The following AKAP7 variants were observed in gnomAD, a reference collection of about 807,000 sequenced individuals.
AKAP7 encodes the protein A kinase (PRKA) anchor protein 7.
A neutral mutation model predicts 39.5 loss-of-function variants in AKAP7; 39 were observed. The observed-to-expected ratio is 0.99, with a 90% CI of 0.76 to 1.29. The LOEUF is 1.29. AKAP7 is among the 50% of genes most tolerant of loss of function. The probability of loss-of-function intolerance (pLI) is 0.00; values close to 1 mark genes in which losing one functional copy is unlikely to be tolerated. For missense variants in AKAP7, 414 were observed against 407.7 expected (o/e 1.02, Z -0.13); for synonymous variants, 140 against 139.1 (o/e 1.01, Z -0.05).
At chr6:131,161,447 C>G (rs773165380) in intron 3 of AKAP7, among the ~76,000 whole-genome samples, 1 of 151,452 alleles carries the variant, frequency 6.6e-6, no homozygotes, top group Non-Finnish European at 1.5e-5. Flanking sequence ...GAGTTTGAGA[C>G]CAGCCTGGGC....
At position 131,224,963 on chromosome 6, in the gene AKAP7, G is replaced by A. The variant is rs958063032; in HGVS notation, c.850+5155G>A. 8.6e-5 allele frequency among the ~76,000 whole-genome samples: 13 copies of A among 151,440 alleles called. 1 individual carries two copies. The highest frequency in any genetic ancestry group is 2.9e-5 in the Non-Finnish European group (2 of 67,910). On this transcript the variant is annotated intron_variant, in intron 7 of 7. Transcript: ENST00000431975. ...GTAGAGACAGGGTTTTGCCATGTTGGCCAGGCTGGTATCGAACTCCTGACC... is the reference window on the plus strand; with the variant it reads ...GTAGAGACAGGGTTTTGCCATGTTGACCAGGCTGGTATCGAACTCCTGACC...
rs371170246 is a variant in AKAP7, at chr6:131,191,466, C to CT, written c.590-7986dup. The stretch of plus-strand genomic sequence containing the variant: ...ACATGCTTATGCTGGACTTGTCTTT[C>CT]TTTTTTTTTGGCTACCCAGCATCTA... On this transcript the variant is annotated intron_variant, in intron 5 of 7. Coordinates refer to ENST00000431975, the MANE Select transcript of AKAP7 (RefSeq NM_016377.4). 3.5e-3 allele frequency among the ~76,000 whole-genome samples: 532 copies of CT among 151,380 alleles called. 3 individuals are homozygous for CT. Among genetic ancestry groups the CT allele is most frequent in the African/African-American group, 0.012 (508 of 41,318 alleles).
intron 6 of AKAP7, among the ~76,000 whole-genome samples, chr6:131,217,288 C>T (rs1809274703): frequency 6.6e-6 from 1 of 152,110 alleles, no homozygotes; most frequent in African/African-American, 2.4e-5. Context: ...CCATTTATTT[C>T]CTCAGAATCA....
At chr6:131,238,864 T>C (rs1312279476) in intron 7 of AKAP7, among the ~76,000 whole-genome samples, 1 of 152,260 alleles carries the variant, frequency 6.6e-6, no homozygotes, top group Non-Finnish European at 1.5e-5. Flanking sequence ...TTTATCCAAT[T>C]TGCCAGTCCG....
intron 7 of AKAP7, among the ~76,000 whole-genome samples, chr6:131,230,882 A>C (rs1810570478): frequency 6.6e-6 from 1 of 152,172 alleles, no homozygotes; most frequent in Admixed American, 6.5e-5. Context: ...AAGAATATCC[A>C]CAATTATCTT....
At chr6:131,133,625 A>G (rs896522710), upstream of AKAP7, among the ~76,000 whole-genome samples, 2 of 152,364 alleles carry the variant, frequency 1.3e-5, no homozygotes, top group African/African-American at 4.8e-5. Context: ...AAACTTCCAT[A>G]TATCTCTTGG....
chr6:131,251,304 A>G (rs1314015597), intron 7 of AKAP7, among the ~76,000 whole-genome samples: 5 of 152,228 alleles, frequency 3.3e-5, no homozygotes, highest in Non-Finnish European at 7.3e-5. Flanking sequence ...TAGCTTTGTT[A>G]AATGGAATAC....
At chr6:131,208,843 T>G (rs1808372215) in intron 6 of AKAP7, among the ~76,000 whole-genome samples, 1 of 152,222 alleles carries the variant, frequency 6.6e-6, no homozygotes, top group African/African-American at 2.4e-5. Context: ...AGGACTTTTC[T>G]GCTCTTCTGG....
At chr6:131,257,060 C>CT (rs1270843968) in intron 7 of AKAP7, among the ~76,000 whole-genome samples, 1 of 152,072 alleles carries the variant, frequency 6.6e-6, no homozygotes, top group Non-Finnish European at 1.5e-5. Flanking sequence ...TTTAACTTCT[C>CT]TAAGATTTTT....
chr6:131,232,636 T>G (rs1258234368), intron 7 of AKAP7, among the ~76,000 whole-genome samples: 1 of 151,988 alleles, frequency 6.6e-6, no homozygotes, highest in African/African-American at 2.4e-5. Context: ...GGCAAAACCC[T>G]GTCTCTACTA....
intron 6 of AKAP7, among the ~76,000 whole-genome samples, chr6:131,215,362 G>A (rs897574430): frequency 2.6e-5 from 4 of 152,214 alleles, no homozygotes; most frequent in African/African-American, 9.6e-5. Context: ...CCTGGGTGCT[G>A]GACATGATCT....
chr6:131,133,866 G>GCTTA (rs1042387148), upstream of AKAP7, among the ~76,000 whole-genome samples: 1 of 152,210 alleles, frequency 6.6e-6, no homozygotes, highest in Non-Finnish European at 1.5e-5. Flanking sequence ...GGAAAAGGGG[G>GCTTA]CTTAGCCTTT....
chr6:131,242,249 A>T, intron 7 of AKAP7: 1 of 948,104 alleles, frequency 1.1e-6, no homozygotes, highest in African/African-American at 1.8e-5. Context: ...ACAGTTTTAT[A>T]TTTGGTACCA....
At chr6:131,214,555 T>G (rs1227957890) in intron 6 of AKAP7, among the ~76,000 whole-genome samples, 2 of 152,220 alleles carry the variant, frequency 1.3e-5, no homozygotes, top group Non-Finnish European at 2.9e-5. Flanking sequence ...ATTTGGAATA[T>G]TAACAGTATA....
At chr6:131,250,953 A>T (rs1356058299) in intron 7 of AKAP7, among the ~76,000 whole-genome samples, 1 of 152,214 alleles carries the variant, frequency 6.6e-6, no homozygotes, top group Non-Finnish European at 1.5e-5. Context: ...TCGATTTGAT[A>T]TACTGTACAA....
At chr6:131,157,434 G>A (rs1802519424) in intron 2 of AKAP7, among the ~76,000 whole-genome samples, 1 of 152,178 alleles carries the variant, frequency 6.6e-6, no homozygotes, top group African/African-American at 2.4e-5. Context: ...ACAGTAGGTG[G>A]TGGTGGGCTA....
chr6:131,273,842 G>A (rs1469230460), intron 7 of AKAP7, among the ~76,000 whole-genome samples: 2 of 151,652 alleles, frequency 1.3e-5, no homozygotes, highest in South Asian at 2.1e-4. Flanking sequence ...GTCAGCTGAC[G>A]ATGAATTCAT....
intron 5 of AKAP7, among the ~76,000 whole-genome samples, chr6:131,188,073 T>C (rs1460073769): frequency 6.6e-6 from 1 of 152,238 alleles, no homozygotes; most frequent in African/African-American, 2.4e-5. Flanking sequence ...AGAATTCCTC[T>C]GGCATCAAGA....
intron 7 of AKAP7, among the ~76,000 whole-genome samples, chr6:131,263,903 C>T (rs1475128031): frequency 6.6e-6 from 1 of 152,162 alleles, no homozygotes; most frequent in African/African-American, 2.4e-5. Context: ...ATGAGAACCA[C>T]AATGCATCTC....
Sources: allele counts gnomAD v4.1 joint callset (sites outside exome capture counted in the v4.1 genomes callset), GRCh38; gene constraint gnomAD v4.1.1; transcripts MANE v1.5; gene names NCBI Gene and HGNC (gene_info 2026-07-23, HGNC 2026-07-21).